STAB1: variants seen among roughly 807,000 people sequenced by gnomAD.
STAB1 encodes stabilin 1, also known as stabilin-1.
Under a neutral mutation model 332.4 loss-of-function variants are expected in STAB1, and 250 were observed. The observed-to-expected ratio is 0.75, with a 90% confidence interval of 0.68 to 0.84. STAB1 has a LOEUF of 0.84. Among genes scored for constraint, STAB1 ranks in the 40% least tolerant of loss-of-function variants. The pLI is 0.00. For synonymous variants in STAB1, 1,475 were observed against 1,390.4 expected (o/e 1.06, Z -1.35); for missense variants, 3,249 against 3,489.7 (o/e 0.93, Z 1.74).
intron 16 of STAB1, 101 bp downstream of exon 16, chr3:52,506,037 C>T: frequency 5.2e-6 from 8 of 1,535,214 alleles, no homozygotes; most frequent in Non-Finnish European, 6.2e-6. Flanking sequence ...ATCTCCCTTC[C>T]CTTCTCATCT....
chr3:52,514,976 T>C lies in STAB1; in HGVS notation c.3808-13T>C. 1 of 1,612,744 alleles carries C rather than the reference T, an allele frequency of 6.2e-7. No homozygotes were observed. The highest frequency in any genetic ancestry group is 1.7e-5 in the Admixed American group (1 of 59,976). On this transcript the variant is annotated splice_polypyrimidine_tract_variant and intron_variant, in intron 35 of 68. Coordinates refer to ENST00000321725, the MANE Select transcript of STAB1 (RefSeq NM_015136.3). ...GCCTGGACTGCCTGATGCCCCACCC[T>C]TTTTCCCTCTAGGAGAAATGTGTAA... is the stretch of plus-strand genomic sequence containing the variant.
At chr3:52,518,115 A>T in intron 45 of STAB1, 112 bp downstream of exon 45, 1 of 1,513,176 alleles carries the variant, frequency 6.6e-7, no homozygotes, top group Non-Finnish European at 8.8e-7. Context: ...TGACCATGAC[A>T]CTGAGCCTGA....
Position 52,524,218 on chromosome 3 carries a change from G to A in STAB1, c.7656+5G>A. The stretch of plus-strand genomic sequence containing the variant: ...ACCTTTTGTGAACCCTTCGATGTAA[G>A]CATGGAAGTGAAGAAGTGTGGCAGA... On this transcript the variant is annotated splice_donor_5th_base_variant and intron_variant, in intron 68 of 68. Coordinates refer to ENST00000321725, the MANE Select transcript of STAB1 (RefSeq NM_015136.3). The A allele has an allele frequency of 6.2e-7, 1 of 1,614,040 alleles. No homozygotes were observed. The highest frequency in any genetic ancestry group is 8.5e-7 in the Non-Finnish European group (1 of 1,179,962).
rs763008908 is a variant in STAB1, at chr3:52,522,057, G to T, written c.6292G>T (p.Gly2098Trp). ...CTCAGTGGCAGACCTGTGCCAGGAC[G>T]GGCATGGTGGCTGCAGTGAGCACGC... Reference protein sequence around the residue: ...VCTVADLCQDGHGGCSEHANC... With the variant: ...VCTVADLCQDWHGGCSEHANC... The change falls in exon 59 of 69, where the codon GGG becomes TGG. Residue 2098 changes from glycine to tryptophan, a missense_variant. Gly to Trp is a radical substitution (Grantham distance 184). Coordinates refer to ENST00000321725, the MANE Select transcript of STAB1 (RefSeq NM_015136.3). 5.6e-6 allele frequency: 9 copies of T among 1,613,348 alleles called. No individual in the cohort carries two copies. The highest frequency in any genetic ancestry group is 5.5e-5 in the South Asian group (5 of 91,084).
intron 13 of STAB1, 24 bp downstream of exon 13, chr3:52,505,167 C>T (rs1708756317): frequency 6.2e-7 from 1 of 1,610,948 alleles, no homozygotes; most frequent in East Asian, 2.2e-5. Context: ...CTCCCCTCCC[C>T]TCCCCTGTGC....
At chr3:52,513,070 A>G (rs1709413399) in intron 29 of STAB1, 60 bp from the exon 30 acceptor site, 4 of 1,554,454 alleles carry the variant, frequency 2.6e-6, no homozygotes, top group South Asian at 2.4e-5. Flanking sequence ...CCCAGCCCCA[A>G]AGGTCTCTGT....
Position 52,517,081 on chromosome 3 carries a change from C to A in STAB1, c.4461C>A (p.Gly1487=). ...AGCGGACATGCACCTGCCAGGATGG[C>A]TACATGGGCGACGGGGAGCTGTGCC... is the stretch of plus-strand genomic sequence containing the variant. ...PGQRTCTCQD[G]YMGDGELCQE... The change falls in exon 42 of 69, where the codon GGC becomes GGA. Residue 1487 remains glycine, a synonymous_variant. Coordinates refer to ENST00000321725, the MANE Select transcript of STAB1 (RefSeq NM_015136.3). 6.3e-7 allele frequency: 1 copy of A among 1,580,330 alleles called. No homozygotes were observed. Among genetic ancestry groups the A allele is most frequent in the Non-Finnish European group, 8.6e-7 (1 of 1,162,648 alleles).
chr3:52,515,308 TCTG>T (rs1440287265), intron 36 of STAB1, 112 bp from the exon 37 acceptor site: 1 of 1,052,440 alleles, frequency 9.5e-7, no homozygotes, highest in Non-Finnish European at 1.4e-6. Context: ...CTCTGACCCT[TCTG>T]CTGTTCTGCT....
chr3:52,514,924 T>G, intron 35 of STAB1, 65 bp from the exon 36 acceptor site: 1 of 1,612,062 alleles, frequency 6.2e-7, no homozygotes, highest in Admixed American at 1.7e-5. Flanking sequence ...ATGGTCAGTC[T>G]GTCCTGGAGG....
rs2079175547 is a variant in STAB1 at position 52,523,962 on chromosome 3, C to T, written c.7487C>T (p.Ala2496Val). 1.2e-6 allele frequency: 2 copies of T among 1,611,490 alleles called. No homozygotes were observed. The highest frequency in any genetic ancestry group is 2.7e-5 in the African/African-American group (2 of 75,072). Residue 2496 changes from alanine to valine, a missense_variant, in exon 67 of 69, where the codon GCT (alanine) becomes GTT (valine). By Grantham distance (64) the Ala-to-Val change is moderately conservative (BLOSUM62 0). Transcript: ENST00000321725. ...AGALLGLVAG[A>V]LYLRARGKPM... ...GCACTGCTTGGCTTGGTGGCCGGAG[C>T]TCTCTACCTCCGTGCCCGAGGCAAG...
rs1432656263 is a variant in STAB1 at position 52,510,049 on chromosome 3, G to A, written c.2527G>A (p.Val843Ile). 6.2e-7 allele frequency: 1 copy of A among 1,609,706 alleles called. No homozygotes were observed. Among genetic ancestry groups the A allele is most frequent in the Non-Finnish European group, 8.5e-7 (1 of 1,177,582 alleles). ...TGCCCGCTGTGTTAGCCAGGAGGGT[G>A]TTGCCAGGTGAGGACCCACACCTTC... ...LHARCVSQEG[V>I]ARCRCLDGFE... Residue 843 changes from valine (V) to isoleucine (I), a missense_variant, in exon 23 of 69, where the codon GTT becomes ATT. Physicochemically the swap from Val to Ile is conservative, Grantham distance 29. Transcript: ENST00000321725.
At chr3:52,505,213 A>G in intron 13 of STAB1, 70 bp downstream of exon 13, 1 of 1,603,934 alleles carries the variant, frequency 6.2e-7, no homozygotes, top group Non-Finnish European at 8.5e-7. Context: ...GAGAGCAGTG[A>G]GTGGGCAGGA....
At chr3:52,496,127 T>A (rs1708004117) in intron 1 of STAB1, among the ~76,000 whole-genome samples, 1 of 152,022 alleles carries the variant, frequency 6.6e-6, no homozygotes, top group South Asian at 2.1e-4. Flanking sequence ...CCATTCCCAC[T>A]CTAAAGCCAT....
At position 52,504,545 on chromosome 3, in the gene STAB1, T is replaced by G; in HGVS notation, c.1235T>G (p.Met412Arg). The G allele has an allele frequency of 3.1e-6, 5 of 1,613,964 alleles. No homozygotes were observed. Among genetic ancestry groups the G allele is most frequent in the Non-Finnish European group, 4.2e-6 (5 of 1,179,996 alleles). The change falls in exon 11 of 69, where the codon ATG becomes AGG. Residue 412 changes from methionine (M) to arginine (R), a missense_variant. By Grantham distance (91) the Met-to-Arg change is moderately conservative. Coordinates refer to ENST00000321725, the MANE Select transcript of STAB1 (RefSeq NM_015136.3). ...PSVSSFSSRT[M>R]NASLAQQLCR... ...GTCTCCTCCTTCTCCTCCAGGACCA[T>G]GAATGTAAGCCCCTCCCCATGGTGG...
rs550433522 is a variant in STAB1 at position 52,522,199 on chromosome 3, G to A, written c.6434G>A (p.Ser2145Asn). The A allele has an allele frequency of 1.2e-6, 2 of 1,612,702 alleles. No individual in the cohort carries two copies. The highest frequency in any genetic ancestry group is 3.3e-5 in the Admixed American group (2 of 60,014). Residue 2145 changes from serine to asparagine, a missense_variant, in exon 59 of 69, where the codon AGC becomes AAC. Physicochemically the swap from Ser to Asn is conservative, Grantham distance 46 (BLOSUM62 1). Transcript: ENST00000321725. ...PCTDGHRGGCSEHANCLSTGL... is the reference protein window; with the variant it reads ...PCTDGHRGGCNEHANCLSTGL... ...ACAGATGGCCACCGCGGGGGCTGCA[G>A]CGAGCACGCCAACTGCTTGAGCACC...
At position 52,503,818 on chromosome 3, in the gene STAB1, C is replaced by G; in HGVS notation, c.938C>G (p.Ala313Gly). Residue 313 changes from alanine (A) to glycine (G), a missense_variant, in exon 9 of 69, where the codon GCT (alanine) becomes GGT (glycine). Coordinates refer to ENST00000321725, the MANE Select transcript of STAB1 (RefSeq NM_015136.3). ...RPGLVSINSN[A>G]SAGCFAFCSP... Reference sequence around the variant, plus strand: ...GGCCTGGTCAGCATCAACAGCAACGCTTCTGCGGGCTGCTTCGCCTTCTGC... The same window carrying G: ...GGCCTGGTCAGCATCAACAGCAACGGTTCTGCGGGCTGCTTCGCCTTCTGC... 6.2e-7 allele frequency: 1 copy of G among 1,613,260 alleles called. No individual in the cohort carries two copies. Among genetic ancestry groups the G allele is most frequent in the Non-Finnish European group, 8.5e-7 (1 of 1,180,032 alleles).
intron 19 of STAB1, 68 bp downstream of exon 19, chr3:52,507,743 A>G (rs1708980905): frequency 3.8e-6 from 6 of 1,585,640 alleles, no homozygotes; most frequent in Admixed American, 1.7e-5. Flanking sequence ...CCTGGGTCAC[A>G]GGGGTGGGTG....
rs1708497018 is a variant in STAB1, at chr3:52,502,144, T to C, written c.418-15T>C. On this transcript the variant is annotated splice_polypyrimidine_tract_variant and intron_variant, in intron 4 of 68. Coordinates refer to ENST00000321725, the MANE Select transcript of STAB1 (RefSeq NM_015136.3). Reference sequence around the variant, plus strand: ...GCTCAGAGGGGCCACGCTGACTTGGTGCATCCACCACCAGGAAAACTTCCG... The same window carrying C: ...GCTCAGAGGGGCCACGCTGACTTGGCGCATCCACCACCAGGAAAACTTCCG... The C allele has an allele frequency of 6.2e-7, 1 of 1,613,358 alleles. No homozygotes were observed. Among genetic ancestry groups the C allele is most frequent in the Non-Finnish European group, 8.5e-7 (1 of 1,179,994 alleles).
intron 1 of STAB1, 132 bp from the exon 2 acceptor site, chr3:52,501,034 C>G (rs1708406207): frequency 1.5e-6 from 2 of 1,314,748 alleles, no homozygotes; most frequent in South Asian, 2.8e-5. Flanking sequence ...GCCCAGAACC[C>G]TCTGCTTACT....
Sources: gnomAD v4.1 joint callset for allele counts (sites outside exome capture counted in the v4.1 genomes callset) on GRCh38, gnomAD v4.1.1 for gene constraint, MANE v1.5 for transcripts, NCBI Gene and HGNC (gene_info 2026-07-23, HGNC 2026-07-21) for gene names.